The following TMEM132B variants were observed in gnomAD, a reference collection of about 807,000 sequenced individuals.
TMEM132B encodes transmembrane protein 132B.
Under a neutral mutation model 90.8 loss-of-function variants are expected in TMEM132B, and 18 were observed. That is an observed-to-expected ratio of 0.20 (90% CI 0.14 to 0.29). The LOEUF is 0.29. Among genes scored for constraint, TMEM132B ranks in the 10% least tolerant of loss-of-function variants. The pLI is 1.00. For missense variants in TMEM132B, 1,096 were observed against 1,326.8 expected, an observed-to-expected ratio of 0.83 and a Z score of 2.70; for synonymous variants, 504 against 523.3, an observed-to-expected ratio of 0.96 and a Z score of 0.50.
At chr12:125,310,556 C>T (rs73233360) in intron 1 of TMEM132B, among the ~76,000 whole-genome samples, 12,846 of 151,964 alleles carry the variant, frequency 0.085, 614 homozygotes, top group Non-Finnish European at 0.1. Flanking sequence ...TTAGACTGCC[C>T]TCTTCAAGTC....
At chr12:125,502,585 C>T (rs1201001721) in intron 3 of TMEM132B, among the ~76,000 whole-genome samples, 1 of 152,224 alleles carries the variant, frequency 6.6e-6, no homozygotes, top group African/African-American at 2.4e-5. Flanking sequence ...GTGCAGTACT[C>T]TCGCGTGTTC....
In TMEM132B at chr12:125,517,349, T is replaced by G. The variant is rs138256686; in HGVS notation, c.1107-2090T>G. Among the ~76,000 whole-genome samples the G allele has an allele frequency of 1.5e-3, 89 of 60,282 alleles. 5 individuals are homozygous for G. The highest frequency in any genetic ancestry group is 3.5e-3 in the African/African-American group (45 of 13,028). The allele number at this position is 60,282 out of a possible 152,430, so 39.5% of individuals were successfully genotyped here. ...CTGATTTTTTTTTTTTTTTTTTTTT[T>G]TTTTTTTTTTTTTTTTGCATTTTTA... On this transcript the variant is annotated intron_variant, in intron 3 of 8. Coordinates refer to ENST00000682704, the MANE Select transcript of TMEM132B (RefSeq NM_001366854.1).
Position 125,212,227 on chromosome 12 carries a change from G to T in TMEM132B, c.67+25361G>T, listed in dbSNP as rs559102502. Among the ~76,000 whole-genome samples the T allele has an allele frequency of 1.2e-3, 186 of 152,284 alleles. 1 individual carries two copies. The highest frequency in any genetic ancestry group is 2.1e-3 in the Non-Finnish European group (142 of 68,014). On this transcript the variant is annotated intron_variant, in intron 1 of 8. Transcript: ENST00000682704. ...GGCTCCCTGGTAGAATCATTTTTGG[G>T]CATGGAGAACCTTTAAGATACTGGT... is the stretch of plus-strand genomic sequence containing the variant.
intron 1 of TMEM132B, among the ~76,000 whole-genome samples, chr12:125,239,739 C>T (rs937733890): frequency 3.3e-5 from 5 of 152,200 alleles, no homozygotes; most frequent in Admixed American, 6.5e-5. Flanking sequence ...ATCCTCCCGG[C>T]GAGCGCTGCC....
chr12:125,473,517 T>C (rs1252591913), intron 3 of TMEM132B, among the ~76,000 whole-genome samples: 2 of 152,216 alleles, frequency 1.3e-5, no homozygotes, highest in Non-Finnish European at 2.9e-5. Flanking sequence ...CTAATACATG[T>C]TCAGTGACTT....
intron 1 of TMEM132B, among the ~76,000 whole-genome samples, chr12:125,236,551 A>G (rs2136087682): frequency 1.3e-5 from 2 of 152,324 alleles, no homozygotes; most frequent in Admixed American, 1.3e-4. Context: ...TAATGGACAC[A>G]TGAGACCCAT....
intron 1 of TMEM132B, among the ~76,000 whole-genome samples, chr12:125,190,677 G>A (rs1565971445): frequency 2.7e-5 from 1 of 37,378 alleles, no homozygotes; most frequent in Admixed American, 2.1e-4. Flanking sequence ...GGGTGGTGAT[G>A]GGGAAGGGGT....
At chr12:125,519,857 G>A (rs912502631) in intron 4 of TMEM132B, among the ~76,000 whole-genome samples, 3 of 152,128 alleles carry the variant, frequency 2.0e-5, no homozygotes, top group Admixed American at 1.3e-4. Flanking sequence ...TTCCTGGGGA[G>A]CCCTTATTCT....
chr12:125,326,525 A>T, intron 1 of TMEM132B: 3 of 1,310,216 alleles, frequency 2.3e-6, no homozygotes, highest in African/African-American at 1.5e-5. Flanking sequence ...ACATCGGCTT[A>T]ATGCTGTTTG....
chr12:125,243,120 T>C (rs1272034292), intron 1 of TMEM132B, among the ~76,000 whole-genome samples: 11 of 141,996 alleles, frequency 7.7e-5, no homozygotes, highest in East Asian at 4.1e-4. Context: ...CATATATATA[T>C]ATACACACAC....
At chr12:125,280,788 C>T (rs1875144974) in intron 1 of TMEM132B, among the ~76,000 whole-genome samples, 1 of 152,198 alleles carries the variant, frequency 6.6e-6, no homozygotes, top group Admixed American at 6.5e-5. Context: ...AATGCTCCAG[C>T]GAGGATTAGG....
At chr12:125,380,199 C>T (rs537714334) in intron 2 of TMEM132B, among the ~76,000 whole-genome samples, 206 of 152,208 alleles carry the variant, frequency 1.4e-3, no homozygotes, top group East Asian at 4.3e-3. Flanking sequence ...AATATGTCCC[C>T]GTGGTTCTCT....
intron 3 of TMEM132B, among the ~76,000 whole-genome samples, chr12:125,454,982 G>A (rs1364299992): frequency 2.0e-5 from 3 of 152,174 alleles, no homozygotes; most frequent in Admixed American, 6.5e-5. Context: ...CACCATCCAA[G>A]GCCCTCAAGC....
At chr12:125,248,535 C>T (rs1003534500) in intron 1 of TMEM132B, among the ~76,000 whole-genome samples, 8 of 152,118 alleles carry the variant, frequency 5.3e-5, no homozygotes, top group Admixed American at 4.6e-4. Flanking sequence ...GAGTTTATAT[C>T]GCTAGATGTG....
At chr12:125,597,574 G>C (rs1017897221) in intron 5 of TMEM132B, among the ~76,000 whole-genome samples, 2 of 152,170 alleles carry the variant, frequency 1.3e-5, no homozygotes, top group Non-Finnish European at 2.9e-5. Flanking sequence ...TGGGCTCATT[G>C]TATGTATTCA....
chr12:125,440,718 A>G (rs1464568845), intron 3 of TMEM132B, among the ~76,000 whole-genome samples: 2 of 152,266 alleles, frequency 1.3e-5, no homozygotes, highest in Non-Finnish European at 2.9e-5. Flanking sequence ...TCAGTGGCCC[A>G]TAAACCTGTT....
intron 2 of TMEM132B, among the ~76,000 whole-genome samples, chr12:125,400,613 G>A (rs576501999): frequency 6.6e-6 from 1 of 152,276 alleles, no homozygotes; most frequent in East Asian, 1.9e-4. Context: ...TCTTTTCCAT[G>A]CCCTGTAACC....
rs184816448 is a variant in TMEM132B at position 125,565,913 on chromosome 12, C to G, written c.1294-17938C>G. Among the ~76,000 whole-genome samples, 992 of 152,244 alleles carry G rather than the reference C, an allele frequency of 6.5e-3. 15 individuals are homozygous for G. The highest frequency in any genetic ancestry group is 0.022 in the African/African-American group (895 of 41,542). On this transcript the variant is annotated intron_variant, in intron 4 of 8. Coordinates refer to ENST00000682704, the MANE Select transcript of TMEM132B (RefSeq NM_001366854.1). Reference sequence around the variant, plus strand: ...TGTGTTTCCAGGCTTGAGGGTGGGGCCTTTGCCAGGGATCTGCCCTCTTCT... The same window carrying G: ...TGTGTTTCCAGGCTTGAGGGTGGGGGCTTTGCCAGGGATCTGCCCTCTTCT...
chr12:125,467,410 T>G (rs1330926087), intron 3 of TMEM132B, among the ~76,000 whole-genome samples: 1 of 152,104 alleles, frequency 6.6e-6, no homozygotes, highest in African/African-American at 2.4e-5. Context: ...TTTTCTCCTC[T>G]TCCTCACTTT....
Sources: gnomAD v4.1 joint callset for allele counts (sites outside exome capture counted in the v4.1 genomes callset) on GRCh38, gnomAD v4.1.1 for gene constraint, MANE v1.5 for transcripts, NCBI Gene and HGNC (gene_info 2026-07-23, HGNC 2026-07-21) for gene names.